The following CBLB variants were observed in gnomAD, a reference collection of about 807,000 sequenced individuals.
The protein encoded by CBLB is Cbl proto-oncogene B, also known as E3 ubiquitin-protein ligase CBL-B.
CBLB carries 31 observed loss-of-function variants against 104.9 expected under a neutral mutation model. The observed-to-expected ratio is 0.30, with a 90% CI of 0.22 to 0.40. The LOEUF (loss-of-function observed/expected upper bound fraction) is 0.40. Ranked by LOEUF, CBLB falls within the 10% of genes least tolerant of loss-of-function variation. CBLB has a pLI of 1.00. For missense variants in CBLB, 1,062 were observed against 1,214.6 expected (o/e 0.87, Z 1.87); for synonymous variants, 440 against 422.6 (o/e 1.04, Z -0.51).
At chr3:105,826,682 G>C (rs2086628713) in intron 3 of CBLB, among the ~76,000 whole-genome samples, 1 of 152,120 alleles carries the variant, frequency 6.6e-6, no homozygotes, top group African/African-American at 2.4e-5. Flanking sequence ...TGCTGCTGGG[G>C]TCAGAAGATT....
In CBLB at chr3:105,702,244, C is replaced by G. The variant is rs1407246413; in HGVS notation, c.1809G>C (p.Gln603His). The change falls in exon 12 of 19, where the codon CAG becomes CAC. Residue 603 changes from glutamine (Q) to histidine (H), a missense_variant. Physicochemically the swap from Gln to His is conservative, Grantham distance 24. Around this residue, in one of 2 missense-constraint regions of CBLB, gnomAD observed 605 missense variants for 582.6 expected, o/e 1.04. Transcript: ENST00000394030. ...WCPRDVFGTN[Q>H]LVGCRLLGEG... is the part of the protein sequence containing the mutation. ...CCCCTAGGAGTCGACATCCCACAAG[C>G]TGATTAGTCCCAAACACATCCCGAG... The G allele has an allele frequency of 4.3e-6, 7 of 1,613,938 alleles. No individual in the cohort carries two copies. Among genetic ancestry groups the G allele is most frequent in the African/African-American group, 1.3e-5 (1 of 74,888 alleles).
intron 12 of CBLB, among the ~76,000 whole-genome samples, chr3:105,701,084 G>A (rs1445129200): frequency 1.3e-5 from 2 of 152,160 alleles, no homozygotes; most frequent in Non-Finnish European, 2.9e-5. Flanking sequence ...AAGCACCCTG[G>A]AACCAAATAC....
intron 3 of CBLB, among the ~76,000 whole-genome samples, chr3:105,833,025 CAGA>C (rs1411726969): frequency 1.3e-5 from 2 of 152,144 alleles, no homozygotes; most frequent in African/African-American, 4.8e-5. Flanking sequence ...CATGAAGCCT[CAGA>C]TGTGGAGGTC....
chr3:105,661,941 C>T (rs2063827454), intron 18 of CBLB, among the ~76,000 whole-genome samples: 1 of 152,132 alleles, frequency 6.6e-6, no homozygotes. Flanking sequence ...TACTCAAATG[C>T]TATAAACCAG....
rs542853443 is a variant in CBLB, at chr3:105,717,722, G to T, written c.1407+2325C>A. On this transcript the variant is annotated intron_variant, in intron 10 of 18. Transcript: ENST00000394030. The stretch of plus-strand genomic sequence containing the variant: ...AGTATTCAAACTTATGTCTTCTGGG[G>T]AACAGTACATCAATATCACCAGCTC... Among the ~76,000 whole-genome samples, 144 of 152,194 alleles carry T rather than the reference G, an allele frequency of 9.5e-4. 1 individual carries two copies. The highest frequency in any genetic ancestry group is 3.4e-3 in the African/African-American group (143 of 41,546).
chr3:105,659,153 G>A lies in CBLB; in HGVS notation c.2766C>T (p.Pro922=), dbSNP rs141100250. The A allele has an allele frequency of 3.7e-6, 6 of 1,613,938 alleles. No individual in the cohort carries two copies. Among genetic ancestry groups the A allele is most frequent in the Non-Finnish European group, 5.1e-6 (6 of 1,179,924 alleles). The change falls in exon 19 of 19, where the codon CCC becomes CCT. Residue 922 remains proline, a synonymous_variant. Coordinates refer to ENST00000394030, the MANE Select transcript of CBLB (RefSeq NM_170662.5). ...RTAPEIHHRK[P]HGPEAALENV... ...TTTCCAATGCCGCCTCAGGCCCATG[G>A]GGTTTTCTGTGGTGAATTTCTGGTG...
At chr3:105,702,069 A>G in intron 12 of CBLB, 25 bp downstream of exon 12, 3 of 1,613,666 alleles carry the variant, frequency 1.9e-6, no homozygotes, top group South Asian at 1.1e-5. Context: ...CAGATTCTCT[A>G]GCTTCTGCTT....
intron 9 of CBLB, among the ~76,000 whole-genome samples, chr3:105,723,367 G>C (rs1287080120): frequency 6.6e-6 from 1 of 152,100 alleles, no homozygotes; most frequent in Non-Finnish European, 1.5e-5. Context: ...AGGAAGTACT[G>C]AGGACTCCGT....
At chr3:105,714,144 A>G (rs963972089) in intron 10 of CBLB, among the ~76,000 whole-genome samples, 1 of 152,176 alleles carries the variant, frequency 6.6e-6, no homozygotes, top group Non-Finnish European at 1.5e-5. Context: ...AAAAGGCAAC[A>G]TCCTCCTAAA....
chr3:105,768,271 T>C (rs2078451052), intron 4 of CBLB, among the ~76,000 whole-genome samples: 2 of 152,154 alleles, frequency 1.3e-5, no homozygotes, highest in African/African-American at 4.8e-5. Flanking sequence ...ATGAGCAATA[T>C]TATCTTTGAG....
chr3:105,734,158 G>A lies in CBLB; in HGVS notation c.1072-18C>T, dbSNP rs762286957. 52 of 1,612,412 alleles carry A rather than the reference G, an allele frequency of 3.2e-5. No individual in the cohort carries two copies. Among genetic ancestry groups the A allele is most frequent in the Non-Finnish European group, 4.2e-5 (49 of 1,178,660 alleles). ...TATTGTTCCTGGAATTTGGGGAGGAGGGAGAAAGTAATGTTAATGTATTTC... is the reference window on the plus strand; with the variant it reads ...TATTGTTCCTGGAATTTGGGGAGGAAGGAGAAAGTAATGTTAATGTATTTC... On this transcript the variant is annotated intron_variant, in intron 8 of 18. Coordinates refer to ENST00000394030, the MANE Select transcript of CBLB (RefSeq NM_170662.5).
At chr3:105,665,416 AATATATATAT>A (rs71111381) in intron 18 of CBLB, among the ~76,000 whole-genome samples, 3 of 98,654 alleles carry the variant, frequency 3.0e-5, no homozygotes, top group East Asian at 7.5e-4. Flanking sequence ...TAAATAAATA[AATATATATAT>A]ATATATATAT....
chr3:105,851,322 G>A (rs1405223537), intron 3 of CBLB, among the ~76,000 whole-genome samples: 1 of 152,164 alleles, frequency 6.6e-6, no homozygotes, highest in Non-Finnish European at 1.5e-5. Flanking sequence ...GTAACACTGT[G>A]GAGAAGGCAA....
intron 3 of CBLB, among the ~76,000 whole-genome samples, chr3:105,849,018 T>C (rs769129004): frequency 5.5e-4 from 84 of 152,164 alleles, no homozygotes; most frequent in Admixed American, 8.5e-4. Flanking sequence ...ATGCTGACTA[T>C]TCAGAATGAG....
intron 4 of CBLB, among the ~76,000 whole-genome samples, chr3:105,760,258 G>C (rs999861030): frequency 6.6e-6 from 1 of 152,004 alleles, no homozygotes; most frequent in Non-Finnish European, 1.5e-5. Flanking sequence ...TAGTGGAAAG[G>C]AACAGGAAGA....
At chr3:105,761,846 G>T (rs970955828) in intron 4 of CBLB, among the ~76,000 whole-genome samples, 1 of 152,174 alleles carries the variant, frequency 6.6e-6, no homozygotes, top group African/African-American at 2.4e-5. Context: ...GAAGATGTGG[G>T]AAAGTTTGGA....
intron 9 of CBLB, among the ~76,000 whole-genome samples, chr3:105,733,749 A>G (rs17202341): frequency 0.25 from 38,184 of 152,142 alleles, 5,536 homozygotes; most frequent in Non-Finnish European, 0.34. Flanking sequence ...GGTAATACCT[A>G]TAAGTGAACA....
chr3:105,766,711 T>C (rs1838046), intron 4 of CBLB, among the ~76,000 whole-genome samples: 100,224 of 152,038 alleles, frequency 0.66, 33,440 homozygotes, highest in Middle Eastern at 0.77. Flanking sequence ...ATAGTATAAA[T>C]ACAACTTCTA....
chr3:105,721,883 C>T (rs1315868180), intron 9 of CBLB, among the ~76,000 whole-genome samples: 2 of 151,852 alleles, frequency 1.3e-5, no homozygotes, highest in East Asian at 1.9e-4. Context: ...GGCAAAACTC[C>T]CCTTGTTATA....
Sources: allele counts gnomAD v4.1 joint callset (sites outside exome capture counted in the v4.1 genomes callset), GRCh38; gene constraint gnomAD v4.1.1; regional missense constraint gnomAD v4.1.1; transcripts MANE v1.5; gene names NCBI Gene and HGNC (gene_info 2026-07-23, HGNC 2026-07-21).